SAMD12: variants seen among roughly 807,000 people sequenced by gnomAD.
The protein encoded by SAMD12 is sterile alpha motif domain-containing protein 12.
SAMD12 carries 9 observed loss-of-function variants against 15.0 expected under a neutral mutation model. That is an observed-to-expected ratio of 0.60 (90% CI 0.36 to 1.05). The LOEUF (loss-of-function observed/expected upper bound fraction) is 1.05, where lower values mean the gene tolerates loss of function less well. SAMD12 is among the 50% of genes least tolerant of loss of function. SAMD12 has a pLI of 0.01. For missense variants in SAMD12, 230 were observed against 234.2 expected, an observed-to-expected ratio of 0.98 and a Z score of 0.12; for synonymous variants, 86 against 90.1, an observed-to-expected ratio of 0.96 and a Z score of 0.25.
the SAMD12 span, among the ~76,000 whole-genome samples, chr8:118,152,575 T>A: frequency 1.3e-5 from 2 of 151,822 alleles, no homozygotes; most frequent in Non-Finnish European, 2.9e-5. Flanking sequence ...ATTGGCTCAC[T>A]GCAACCTTTG....
chr8:118,223,401 C>G (rs1013513343), intron 4 of SAMD12, among the ~76,000 whole-genome samples: 6 of 152,210 alleles, frequency 3.9e-5, no homozygotes, highest in Admixed American at 3.3e-4. Flanking sequence ...AAGACACTGA[C>G]TCACTGAGCA....
the SAMD12 span, among the ~76,000 whole-genome samples, chr8:118,159,042 C>T: frequency 6.6e-6 from 1 of 152,054 alleles, no homozygotes; most frequent in Non-Finnish European, 1.5e-5. Context: ...AGCTGTAACA[C>T]AAACAGGTCT....
intron 4 of SAMD12, among the ~76,000 whole-genome samples, chr8:118,323,725 C>T (rs113115574): frequency 0.036 from 5,499 of 152,152 alleles, 325 homozygotes; most frequent in African/African-American, 0.11. Context: ...GCTGAGATCA[C>T]GCCACTGCAC....
chr8:118,469,103 C>T (rs1823684613), intron 2 of SAMD12, among the ~76,000 whole-genome samples: 1 of 152,112 alleles, frequency 6.6e-6, no homozygotes, highest in Admixed American at 6.6e-5. Flanking sequence ...GCCCTTCCTC[C>T]ACACAGCAGC....
intron 4 of SAMD12, among the ~76,000 whole-genome samples, chr8:118,340,321 T>C (rs976161081): frequency 1.4e-5 from 2 of 143,428 alleles, no homozygotes; most frequent in African/African-American, 5.1e-5. Context: ...TTCTTGACCT[T>C]ATGCTCTCTT....
chr8:118,289,172 G>A (rs1814222542), intron 4 of SAMD12, among the ~76,000 whole-genome samples: 1 of 152,070 alleles, frequency 6.6e-6, no homozygotes, highest in African/African-American at 2.4e-5. Context: ...GTTTCATTTG[G>A]TGGAGTAAAC....
intron 1 of SAMD12, among the ~76,000 whole-genome samples, chr8:118,619,478 CAAAAAAAAA>C (rs33947611): frequency 8.9e-6 from 1 of 112,218 alleles, no homozygotes; most frequent in Non-Finnish European, 1.8e-5. Flanking sequence ...GACTCTGTCT[CAAAAAAAAA>C]AAAAAAAAAA....
chr8:118,582,268 T>C (rs1827314735), intron 1 of SAMD12, among the ~76,000 whole-genome samples: 1 of 152,152 alleles, frequency 6.6e-6, no homozygotes, highest in East Asian at 1.9e-4. Context: ...GTCAGACAAG[T>C]AAAACTGCAG....
chr8:118,616,085 A>G (rs1270215099), intron 1 of SAMD12, among the ~76,000 whole-genome samples: 1 of 152,230 alleles, frequency 6.6e-6, no homozygotes, highest in African/African-American at 2.4e-5. Context: ...AGAACATAAT[A>G]AAAATAAGAA....
intron 2 of SAMD12, among the ~76,000 whole-genome samples, chr8:118,562,066 T>C (rs771737727): frequency 3.9e-5 from 6 of 152,316 alleles, no homozygotes; most frequent in Non-Finnish European, 8.8e-5. Context: ...TCCCAGAGAA[T>C]GACGAGATGG....
chr8:118,292,424 A>T (rs1235726248), intron 4 of SAMD12, among the ~76,000 whole-genome samples: 1 of 149,788 alleles, frequency 6.7e-6, no homozygotes, highest in Non-Finnish European at 1.5e-5. Context: ...ATTCATAGAA[A>T]AAACAACAAT....
In SAMD12 at chr8:118,238,662, T is replaced by TG. The variant is rs374801273; in HGVS notation, c.434-40931dup. The stretch of plus-strand genomic sequence containing the variant: ...TATAAATATTTTTGAACATCTACCA[T>TG]GGAAAGGACACATGCAAGAGATTAG... On this transcript the variant is annotated intron_variant, in intron 4 of 4. Coordinates refer to the SAMD12 transcript ENST00000409003. Among the ~76,000 whole-genome samples, 130 of 152,280 alleles carry TG rather than the reference T, an allele frequency of 8.5e-4. No homozygotes were observed. In the Middle Eastern group the frequency reaches 0.048, roughly 56 times the overall value.
intron 3 of SAMD12, among the ~76,000 whole-genome samples, chr8:118,386,905 C>T (rs186008314): frequency 7.9e-4 from 120 of 152,352 alleles, no homozygotes; most frequent in Non-Finnish European, 1.6e-3. Context: ...AGTGCCACTG[C>T]ATGTGGTTGG....
At chr8:118,401,717 G>A (rs1453131996) in intron 3 of SAMD12, among the ~76,000 whole-genome samples, 1 of 151,972 alleles carries the variant, frequency 6.6e-6, no homozygotes, top group Non-Finnish European at 1.5e-5. Flanking sequence ...AAACTCATGA[G>A]GAGTTTTTAG....
chr8:118,433,180 G>A (rs1311673431), intron 3 of SAMD12, among the ~76,000 whole-genome samples: 1 of 152,170 alleles, frequency 6.6e-6, no homozygotes, highest in Non-Finnish European at 1.5e-5. Context: ...CCCATGTTCT[G>A]TCCTCACTTG....
rs529805012 is a variant in SAMD12, at chr8:118,397,061, T to C, written c.323-17361A>G. On this transcript the variant is annotated intron_variant, in intron 3 of 3. Coordinates refer to ENST00000314727, the MANE Select transcript of SAMD12 (RefSeq NM_207506.3). The stretch of plus-strand genomic sequence containing the variant: ...AGGAAAAAGAACAATACTTGTGGTT[T>C]GGACATGTAATAAATCCAAACTGCC... Among the ~76,000 whole-genome samples the C allele has an allele frequency of 3.9e-5, 6 of 152,320 alleles. No individual in the cohort carries two copies. The East Asian group carries it at 1.2e-3, about 29-fold the overall frequency.
chr8:118,357,211 T>C (rs1818273295), intron 4 of SAMD12, among the ~76,000 whole-genome samples: 1 of 152,198 alleles, frequency 6.6e-6, no homozygotes. Context: ...AATAATGATG[T>C]ATATTTCAAA....
chr8:118,185,331 C>T (rs1227943060), downstream of SAMD12, among the ~76,000 whole-genome samples: 5 of 152,056 alleles, frequency 3.3e-5, no homozygotes, highest in South Asian at 4.2e-4. Context: ...CTTGTGCACC[C>T]ATCAACTGAG....
chr8:118,476,325 C>A (rs1022451558), intron 2 of SAMD12, among the ~76,000 whole-genome samples: 2 of 152,166 alleles, frequency 1.3e-5, no homozygotes, highest in Non-Finnish European at 2.9e-5. Context: ...AGATTCTCAT[C>A]TTTAGACAGA....
Sources: gnomAD v4.1 joint callset for allele counts (sites outside exome capture counted in the v4.1 genomes callset) on GRCh38, gnomAD v4.1.1 for gene constraint, MANE v1.5 for transcripts, NCBI Gene and HGNC (gene_info 2026-07-23, HGNC 2026-07-21) for gene names.